Variants in HFM1 observed in about 807,000 individuals in gnomAD.
HFM1 encodes the protein helicase for meiosis 1, also known as probable ATP-dependent DNA helicase HFM1.
In HFM1, 169 loss-of-function variants were observed where a neutral mutation model predicts 192.1. The observed-to-expected ratio is 0.88, with a 90% confidence interval of 0.78 to 1.00. The LOEUF is 1.00. Among genes scored for constraint, HFM1 ranks in the 50% least tolerant of loss-of-function variants. The pLI is 0.00. For missense variants in HFM1, 1,661 were observed against 1,668.0 expected, an observed-to-expected ratio of 1.00 and a Z score of 0.07; for synonymous variants, 525 against 537.8, an observed-to-expected ratio of 0.98 and a Z score of 0.33.
upstream of HFM1, chr1:91,404,895 C>G (rs1206953568): frequency 2.2e-6 from 1 of 455,124 alleles, no homozygotes; most frequent in Non-Finnish European, 4.4e-6. Context: ...CAATGGATCG[C>G]CCAAGCCCCC....
chr1:91,404,836 T>C lies in HFM1; in HGVS notation c.-66A>G, dbSNP rs1167094579. On this transcript the variant is annotated 5_prime_UTR_variant, in exon 1 of 39. Transcript: ENST00000370425. ...GCTCCTAGGCCAGTCGAGCGCCGATTTATCAGCCCCTCTGAGGACCGCCAA... is the reference window on the plus strand; with the variant it reads ...GCTCCTAGGCCAGTCGAGCGCCGATCTATCAGCCCCTCTGAGGACCGCCAA... The C allele has an allele frequency of 2.2e-6, 1 of 455,464 alleles. No individual in the cohort carries two copies. The highest frequency in any genetic ancestry group is 1.6e-5 in the South Asian group (1 of 64,450). The allele number at this position is 455,464 out of a possible 1,614,324, so 28.2% of individuals were successfully genotyped here. A position where few individuals can be genotyped will look rare whatever the true frequency, so the allele number is the denominator to read the frequency against.
At chr1:91,358,779 G>A (rs568776409) in intron 13 of HFM1, among the ~76,000 whole-genome samples, 1 of 152,258 alleles carries the variant, frequency 6.6e-6, no homozygotes, top group Admixed American at 6.5e-5. Context: ...TGTTTCTTTG[G>A]GGGGGTCCCT....
At chr1:91,380,049 C>A in intron 8 of HFM1, 55 bp downstream of exon 8, 1 of 826,106 alleles carries the variant, frequency 1.2e-6, no homozygotes, top group South Asian at 3.9e-5. Flanking sequence ...CTTCATTTTG[C>A]TTCAATGGTT....
At position 91,331,873 on chromosome 1, in the gene HFM1, G is replaced by A. The variant is rs543760307; in HGVS notation, c.2336-7107C>T. On this transcript the variant is annotated intron_variant, in intron 20 of 38. Coordinates refer to ENST00000370425, the MANE Select transcript of HFM1 (RefSeq NM_001017975.6). ...ATCGCACCACTGCACTCTAGCCTGG[G>A]CGACAGAGGGAGACTCCATCTCAAA... Among the ~76,000 whole-genome samples, 23 of 152,188 alleles carry A rather than the reference G, an allele frequency of 1.5e-4. No individual in the cohort carries two copies. The South Asian group carries it at 3.5e-3, about 23-fold the overall frequency.
intron 20 of HFM1, among the ~76,000 whole-genome samples, chr1:91,328,048 C>T (rs1653181442): frequency 1.3e-5 from 2 of 152,016 alleles, no homozygotes; most frequent in African/African-American, 4.8e-5. Flanking sequence ...CCTAATGATG[C>T]ATCTTAAAGA....
At chr1:91,393,809 T>C (rs1000601228) in intron 4 of HFM1, among the ~76,000 whole-genome samples, 3 of 152,184 alleles carry the variant, frequency 2.0e-5, no homozygotes, top group Non-Finnish European at 4.4e-5. Context: ...CAAACTTTTG[T>C]GTGCATAATA....
chr1:91,365,176 T>C (rs1270474444), intron 13 of HFM1, among the ~76,000 whole-genome samples: 1 of 151,800 alleles, frequency 6.6e-6, no homozygotes, highest in Admixed American at 6.6e-5. Flanking sequence ...GAGAATAAAA[T>C]AGTAGTTATC....
chr1:91,404,935 G>A (rs960053854), upstream of HFM1: 1 of 450,930 alleles, frequency 2.2e-6, no homozygotes. Context: ...TTTTTTCTCC[G>A]AAAGTTTATA....
At chr1:91,335,843 T>A (rs1654493098) in intron 20 of HFM1, among the ~76,000 whole-genome samples, 1 of 152,024 alleles carries the variant, frequency 6.6e-6, no homozygotes, top group Non-Finnish European at 1.5e-5. Flanking sequence ...CATACTTTCA[T>A]GAGATGGCCC....
chr1:91,315,870 CAT>C lies in HFM1; in HGVS notation c.3083_3084del (p.Tyr1028CysfsTer7). 1.9e-6 allele frequency: 3 copies of C among 1,611,240 alleles called. No homozygotes were observed. Among genetic ancestry groups the C allele is most frequent in the African/African-American group, 1.3e-5 (1 of 74,962 alleles). On this transcript the variant is annotated frameshift_variant, in exon 28 of 39. Transcript: ENST00000370425. LOFTEE classifies it high-confidence loss of function. ...QTKRTASDSHYVTLIIGDADN... is the reference protein window; with the variant it reads ...QTKRTASDSHXVTLIIGDADN... ...TCTGCGTCACCTATGATTAAGGTAA[CAT>C]AGTGAGAATCCGATGCTGTTCTTTT...
intron 36 of HFM1, among the ~76,000 whole-genome samples, chr1:91,263,654 G>A (rs1032372545): frequency 7.9e-5 from 12 of 152,096 alleles, no homozygotes; most frequent in African/African-American, 2.7e-4. Flanking sequence ...TTGGGAGGCC[G>A]AGGTGGGAGG....
intron 20 of HFM1, among the ~76,000 whole-genome samples, chr1:91,338,268 G>A (rs1654856851): frequency 1.3e-5 from 2 of 152,200 alleles, no homozygotes; most frequent in Admixed American, 6.5e-5. Flanking sequence ...TGGCTACAGT[G>A]GAGTACAGTC....
Position 91,324,673 on chromosome 1 carries a change from ACCAGAT to A in HFM1, c.2423_2427+1del. ...TTTTTTTTCTAGTGAAAATTAATTT[ACCAGAT>A]CTGATAAGGTTTCTTTTCCACTGAT... is the stretch of plus-strand genomic sequence containing the variant. On this transcript the variant is annotated splice_donor_variant and coding_sequence_variant, in exon 21 of 39. Transcript: ENST00000370425. LOFTEE classifies it high-confidence loss of function. The A allele has an allele frequency of 7.6e-7, 1 of 1,320,572 alleles. No individual in the cohort carries two copies. The highest frequency in any genetic ancestry group is 1.1e-6 in the Non-Finnish European group (1 of 917,344). The allele number at this position is 1,320,572 out of a possible 1,614,324, so 81.8% of individuals were successfully genotyped here.
At position 91,305,697 on chromosome 1, in the gene HFM1, A is replaced by C. The variant is rs1320133769; in HGVS notation, c.3391+7652T>G. ...ATCTTCCCATTTCAGCCTCCAGAGG[A>C]GCTGGGTCTACAGGCAAGCACCACC... On this transcript the variant is annotated intron_variant, in intron 30 of 38. Transcript: ENST00000370425. Among the ~76,000 whole-genome samples the C allele has an allele frequency of 3.3e-5, 5 of 151,604 alleles. No individual in the cohort carries two copies. In the East Asian group the frequency reaches 9.7e-4, roughly 29 times the overall value.
chr1:91,294,762 G>C (rs1312151511), intron 30 of HFM1, among the ~76,000 whole-genome samples: 2 of 152,128 alleles, frequency 1.3e-5, no homozygotes, highest in Non-Finnish European at 2.9e-5. Flanking sequence ...ATGAGCTTTT[G>C]GCTGGTTTCC....
intron 13 of HFM1, among the ~76,000 whole-genome samples, chr1:91,358,295 T>A (rs188206508): frequency 3.0e-4 from 45 of 150,650 alleles, no homozygotes; most frequent in East Asian, 1.2e-3. Context: ...AAAAAAAAAT[T>A]TTTTTTCATA....
chr1:91,286,150 C>G (rs192739275), intron 30 of HFM1, among the ~76,000 whole-genome samples: 1 of 152,308 alleles, frequency 6.6e-6, no homozygotes, highest in South Asian at 2.1e-4. Context: ...AATATCAGCA[C>G]CCCTAGAAAC....
At chr1:91,403,601 TATTTATTATTA>T (rs1343203851) in intron 1 of HFM1, among the ~76,000 whole-genome samples, 1 of 152,204 alleles carries the variant, frequency 6.6e-6, no homozygotes, top group East Asian at 1.9e-4. Context: ...AAGTTCCTAT[TATTTATTATTA>T]AAGTTTTAGT....
At chr1:91,407,641 G>A (rs1345017165), upstream of HFM1, among the ~76,000 whole-genome samples, 3 of 152,128 alleles carry the variant, frequency 2.0e-5, no homozygotes, top group Non-Finnish European at 4.4e-5. Context: ...TTATCCATTT[G>A]TAATCCTGGC....
Sources: gnomAD v4.1 joint callset for allele counts (sites outside exome capture counted in the v4.1 genomes callset) on GRCh38, gnomAD v4.1.1 for gene constraint, MANE v1.5 for transcripts, NCBI Gene and HGNC (gene_info 2026-07-23, HGNC 2026-07-21) for gene names.